SLC12A1: variants seen among roughly 807,000 people sequenced by gnomAD.
SLC12A1 encodes Na-K-2Cl cotransporter.
In SLC12A1, 89 loss-of-function variants were observed where a neutral mutation model predicts 130.4. The observed-to-expected ratio is 0.68, with a 90% CI of 0.58 to 0.81. SLC12A1 has a LOEUF of 0.81. Among genes scored for constraint, SLC12A1 ranks in the 40% least tolerant of loss-of-function variants. SLC12A1 has a pLI of 0.00. For synonymous variants in SLC12A1, 499 were observed against 460.0 expected (o/e 1.08, Z -1.09); for missense variants, 1,310 against 1,336.4 (o/e 0.98, Z 0.31).
chr15:48,301,211 A>G (rs1483383032), intron 25 of SLC12A1, 104 bp from the exon 26 acceptor site: 3 of 819,636 alleles, frequency 3.7e-6, no homozygotes, highest in Admixed American at 2.1e-5. Flanking sequence ...ATTTTTATAC[A>G]TTTTTTAAGA....
chr15:48,301,502 T>TGGGG (rs1555387784), intron 26 of SLC12A1, 120 bp downstream of exon 26: 34 of 439,768 alleles, frequency 7.7e-5, no homozygotes, highest in Admixed American at 5.0e-4. Context: ...GTGTTTTTTT[T>TGGGG]GGGGGGGGGA....
rs767182159 is a variant in SLC12A1 at position 48,251,759 on chromosome 15, G to A, written c.1931G>A (p.Cys644Tyr). 1.2e-6 allele frequency: 2 copies of A among 1,613,676 alleles called. No individual in the cohort carries two copies. The highest frequency in any genetic ancestry group is 2.7e-5 in the African/African-American group (2 of 74,906). Residue 644 changes from cysteine to tyrosine, a missense_variant, in exon 15 of 27, where the codon TGT becomes TAT. Cys to Tyr is a radical substitution (Grantham distance 194, BLOSUM62 -2). Coordinates refer to ENST00000380993, the MANE Select transcript of SLC12A1 (RefSeq NM_000338.3). ...IEFFLYVYVT[C>Y]KKPDVNWGSS... ...TTCTTCCTTTACGTCTATGTGACTTGTAAGAAGCCAGGTAAGATAATGACT... is the reference window on the plus strand; with the variant it reads ...TTCTTCCTTTACGTCTATGTGACTTATAAGAAGCCAGGTAAGATAATGACT...
chr15:48,243,084 C>A (rs1415163152), intron 10 of SLC12A1, among the ~76,000 whole-genome samples: 1 of 151,998 alleles, frequency 6.6e-6, no homozygotes. Context: ...GAAGGACAGT[C>A]GTGGAGTCAA....
Position 48,299,333 on chromosome 15 carries a change from T to C in SLC12A1, c.3096+58T>C. 6.4e-6 allele frequency: 9 copies of C among 1,399,046 alleles called. No homozygotes were observed. The South Asian group carries it at 1.2e-4, about 19-fold the overall frequency. 86.7% of individuals were successfully genotyped at this position (1,399,046 alleles called of 1,614,324 possible). On this transcript the variant is annotated intron_variant, in intron 25 of 26. Transcript: ENST00000380993. ...TCTAACTAGCTGAGAAAGGAAACAGTAGTTGATTTAAAGACAAAGAAGCAA... is the reference window on the plus strand; with the variant it reads ...TCTAACTAGCTGAGAAAGGAAACAGCAGTTGATTTAAAGACAAAGAAGCAA...
intron 9 of SLC12A1, 50 bp from the exon 10 acceptor site, chr15:48,241,465 G>T: frequency 7.4e-7 from 1 of 1,357,240 alleles, no homozygotes; most frequent in African/African-American, 1.4e-5. Context: ...AGTGATCTAT[G>T]GTTCTTATTC....
In SLC12A1 at chr15:48,291,820, C is replaced by T; in HGVS notation, c.2916C>T (p.Asp972=). The T allele has an allele frequency of 6.4e-7, 1 of 1,571,644 alleles. No homozygotes were observed. Among genetic ancestry groups the T allele is most frequent in the Non-Finnish European group, 8.6e-7 (1 of 1,156,878 alleles). Residue 972 remains aspartate, a synonymous_variant, in exon 24 of 27, where the codon GAC becomes GAT. Coordinates refer to ENST00000380993, the MANE Select transcript of SLC12A1 (RefSeq NM_000338.3). ...LLSKFRIKFA[D]IHIIGDINIR... is the part of the protein sequence containing the mutation. ...GCAAATTTAGGATAAAATTTGCAGA[C>T]ATCCATATCATCGGTGACATCAACA... is the stretch of plus-strand genomic sequence containing the variant.
At chr15:48,232,629 G>C in intron 7 of SLC12A1, 98 bp from the exon 8 acceptor site, 1 of 786,384 alleles carries the variant, frequency 1.3e-6, no homozygotes, top group Non-Finnish European at 2.3e-6. Context: ...TGAAATATCA[G>C]ATAGAGTCTT....
chr15:48,250,352 T>C (rs1398044850), intron 14 of SLC12A1, among the ~76,000 whole-genome samples: 1 of 152,172 alleles, frequency 6.6e-6, no homozygotes, highest in East Asian at 1.9e-4. Flanking sequence ...TTTCCACTCA[T>C]TGAGGGCCTG....
intron 9 of SLC12A1, among the ~76,000 whole-genome samples, chr15:48,236,092 A>AACACACACACAC (rs56371843): frequency 6.9e-6 from 1 of 145,800 alleles, no homozygotes. Context: ...AGCCATTTCT[A>AACACACACACAC]ACACACACAC....
rs563102186 is a variant in SLC12A1 at position 48,251,740 on chromosome 15, C to T, written c.1912C>T (p.Leu638Phe). The T allele has an allele frequency of 3.4e-5, 55 of 1,613,950 alleles. No homozygotes were observed. In the South Asian group the frequency reaches 5.4e-4, roughly 16 times the overall value. Residue 638 changes from leucine to phenylalanine, a missense_variant, in exon 15 of 27, where the codon CTT becomes TTT. Coordinates refer to ENST00000380993, the MANE Select transcript of SLC12A1 (RefSeq NM_000338.3). Reference protein sequence around the residue: ...AVITYVIEFFLYVYVTCKKPD... With the variant: ...AVITYVIEFFFYVYVTCKKPD... ...CATCACCTATGTCATTGAATTCTTC[C>T]TTTACGTCTATGTGACTTGTAAGAA...
intron 15 of SLC12A1, among the ~76,000 whole-genome samples, chr15:48,253,835 T>A (rs2041673647): frequency 1.3e-5 from 2 of 152,258 alleles, no homozygotes; most frequent in Non-Finnish European, 2.9e-5. Flanking sequence ...TATTGCCAGA[T>A]GATTTTTTAA....
intron 16 of SLC12A1, 150 bp downstream of exon 16, chr15:48,256,060 C>A: frequency 1.5e-6 from 1 of 649,498 alleles, no homozygotes. Context: ...TTCATGACAG[C>A]ACCTCCTGTA....
rs57727253 is a variant in SLC12A1 at position 48,291,247 on chromosome 15, C to CATAT, written c.2874-518_2874-515dup. ...GAATTATCAGTTGCCAGGAAAAAAC[C>CATAT]ATATATATATATATATGTGAGGTTT... is the stretch of plus-strand genomic sequence containing the variant. On this transcript the variant is annotated intron_variant, in intron 23 of 26. Transcript: ENST00000380993. 1.2e-3 allele frequency among the ~76,000 whole-genome samples: 181 copies of CATAT among 147,312 alleles called. 1 individual carries two copies. Among genetic ancestry groups the CATAT allele is most frequent in the African/African-American group, 3.7e-3 (150 of 40,448 alleles).
chr15:48,234,482 C>T (rs982923870), intron 8 of SLC12A1, among the ~76,000 whole-genome samples: 3 of 152,166 alleles, frequency 2.0e-5, no homozygotes, highest in African/African-American at 7.2e-5. Context: ...GTAGCTCACG[C>T]CTGTAATCCC....
At position 48,299,156 on chromosome 15, in the gene SLC12A1, G is replaced by A; in HGVS notation, c.2977G>A (p.Glu993Lys). Residue 993 changes from glutamate (E) to lysine (K), a missense_variant, in exon 25 of 27, where the codon GAG becomes AAG. By Grantham distance (56) the Glu-to-Lys change is moderately conservative. Coordinates refer to ENST00000380993, the MANE Select transcript of SLC12A1 (RefSeq NM_000338.3). ...AAATTTTAGCTGGAAAGTCTTTGAA[G>A]AGATGATTGAACCATATCGTCTCCA... ...PNKESWKVFE[E>K]MIEPYRLHES... is the part of the protein sequence containing the mutation. 1 of 1,603,224 alleles carries A rather than the reference G, an allele frequency of 6.2e-7. No homozygotes were observed. Among genetic ancestry groups the A allele is most frequent in the Non-Finnish European group, 8.5e-7 (1 of 1,176,982 alleles).
chr15:48,240,054 T>TATATCC (rs2041491963), intron 9 of SLC12A1, among the ~76,000 whole-genome samples: 1 of 80,828 alleles, frequency 1.2e-5, no homozygotes, highest in African/African-American at 5.8e-5. Flanking sequence ...TATATCCATA[T>TATATCC]ATATATATAT....
At chr15:48,222,090 C>A (rs2041223536) in intron 4 of SLC12A1, among the ~76,000 whole-genome samples, 1 of 152,188 alleles carries the variant, frequency 6.6e-6, no homozygotes, top group Admixed American at 6.5e-5. Context: ...TGATGCATAA[C>A]AAATGAATGC....
chr15:48,247,102 A>T, intron 12 of SLC12A1, 86 bp downstream of exon 12: 1 of 1,168,984 alleles, frequency 8.6e-7, no homozygotes, highest in Admixed American at 1.8e-5. Flanking sequence ...TCTCACTGGC[A>T]ATCATTTTCC....
At chr15:48,252,707 T>TA (rs148936528) in intron 15 of SLC12A1, among the ~76,000 whole-genome samples, 6,260 of 147,702 alleles carry the variant, frequency 0.042, 440 homozygotes, top group African/African-American at 0.15. Flanking sequence ...TTTTTTAAAT[T>TA]AAAAAAAAAA....
Sources: allele counts gnomAD v4.1 joint callset (sites outside exome capture counted in the v4.1 genomes callset), GRCh38; gene constraint gnomAD v4.1.1; transcripts MANE v1.5; gene names NCBI Gene and HGNC (gene_info 2026-07-23, HGNC 2026-07-21).